SLC2A14: variants seen among roughly 807,000 people sequenced by gnomAD.
The protein encoded by SLC2A14 is solute carrier family 2, facilitated glucose transporter member 14.
A neutral mutation model predicts 43.0 loss-of-function variants in SLC2A14; 13 were observed. The observed-to-expected ratio is 0.30, with a 90% confidence interval of 0.20 to 0.48. The LOEUF is 0.48. SLC2A14 is among the 20% of genes least tolerant of loss of function. The pLI is 0.99. For synonymous variants in SLC2A14, 190 were observed against 233.8 expected (o/e 0.81, Z 1.71); for missense variants, 428 against 620.4 (o/e 0.69, Z 3.29).
chr12:7,847,189 T>G (rs937921679), intron 2 of SLC2A14, among the ~76,000 whole-genome samples: 1 of 151,686 alleles, frequency 6.6e-6, no homozygotes, highest in African/African-American at 2.4e-5. Flanking sequence ...GAGGCAGAGG[T>G]TGCAGTGACC....
chr12:7,866,303 C>A (rs189495958), intron 2 of SLC2A14, among the ~76,000 whole-genome samples: 1 of 151,266 alleles, frequency 6.6e-6, no homozygotes, highest in Admixed American at 6.6e-5. Context: ...TCTAGATAGA[C>A]CACTAAACAT....
chr12:7,834,758 TC>T (rs1865307288), intron 2 of SLC2A14, among the ~76,000 whole-genome samples: 1 of 152,034 alleles, frequency 6.6e-6, no homozygotes, highest in South Asian at 2.1e-4. Flanking sequence ...AGACAAGTGT[TC>T]CTTGGGCAAA....
chr12:7,877,756 C>CTATT (rs768666164), upstream of SLC2A14, among the ~76,000 whole-genome samples: 15 of 151,724 alleles, frequency 9.9e-5, no homozygotes, highest in Admixed American at 3.3e-4. Flanking sequence ...GTTTTAAATT[C>CTATT]TATTTATTTA....
intron 7 of SLC2A14, among the ~76,000 whole-genome samples, chr12:7,826,426 G>A (rs2120730549): frequency 1.3e-5 from 2 of 152,122 alleles, no homozygotes; most frequent in Non-Finnish European, 2.9e-5. Context: ...CAAATATCTG[G>A]TGTGTTAGGT....
intron 1 of SLC2A14, chr12:7,871,855 A>T: frequency 2.0e-6 from 2 of 976,684 alleles, no homozygotes; most frequent in Non-Finnish European, 2.4e-6. Flanking sequence ...CCCTGTTGAG[A>T]CACCAGCGCA....
intron 6 of SLC2A14, among the ~76,000 whole-genome samples, chr12:7,828,379 A>G (rs1423303622): frequency 7.9e-6 from 1 of 126,702 alleles, no homozygotes; most frequent in Non-Finnish European, 1.7e-5. Flanking sequence ...AAAAAAAAAA[A>G]GTACAAAAGT....
chr12:7,857,584 A>G (rs930381075), intron 2 of SLC2A14, among the ~76,000 whole-genome samples: 1 of 152,146 alleles, frequency 6.6e-6, no homozygotes, highest in Non-Finnish European at 1.5e-5. Flanking sequence ...GTGAAACTCC[A>G]TCTCAAAACA....
In SLC2A14 at chr12:7,817,751, T is replaced by TGTATAG. The variant is rs1863585667; in HGVS notation, c.1275+79_1275+80insCTATAC. 18 of 1,149,932 alleles carry TGTATAG rather than the reference T, an allele frequency of 1.6e-5. 1 individual carries two copies. In the South Asian group the frequency reaches 2.6e-4, roughly 17 times the overall value. 71.2% of individuals were successfully genotyped at this position (1,149,932 alleles called of 1,614,324 possible). A position where few individuals can be genotyped will look rare whatever the true frequency, so the allele number is the denominator to read the frequency against. ...ACTCAGTCTCAAAAATATATATATATATAGATAGATAGATAGATAGATAGA... is the reference window on the plus strand; with the variant it reads ...ACTCAGTCTCAAAAATATATATATATGTATAGATAGATAGATAGATAGATAGATAGA... On this transcript the variant is annotated intron_variant, in intron 10 of 10. Coordinates refer to ENST00000431042, the MANE Select transcript of SLC2A14 (RefSeq NM_001286234.2).
rs1445749957 is a variant in SLC2A14 at position 7,812,599 on chromosome 12, T to G, written c.*1717A>C. On this transcript the variant is annotated 3_prime_UTR_variant, in exon 11 of 11. Transcript: ENST00000431042. ...CCATATGGAAATATTCACAATCTTCTCAGTGAGAAATAGGAAAACAACTTC... is the reference window on the plus strand; with the variant it reads ...CCATATGGAAATATTCACAATCTTCGCAGTGAGAAATAGGAAAACAACTTC... 1 of 152,072 alleles carries G rather than the reference T, an allele frequency of 6.6e-6. No individual in the cohort carries two copies. The highest frequency in any genetic ancestry group is 1.5e-5 in the Non-Finnish European group (1 of 68,014). 9.4% of individuals were successfully genotyped at this position (152,072 alleles called of 1,614,324 possible). A position where few individuals can be genotyped will look rare whatever the true frequency, so the allele number is the denominator to read the frequency against.
rs1318264481 is a variant in SLC2A14, at chr12:7,822,125, A to G, written c.865-800T>C. Among the ~76,000 whole-genome samples, 7 of 150,386 alleles carry G rather than the reference A, an allele frequency of 4.7e-5. No homozygotes were observed. The Middle Eastern group carries it at 0.01, about 224-fold the overall frequency. ...AGGCGTGAGCCACCACGCCTGGCCA[A>G]TTTTTGTATTTTTTTAGTAGAGACA... On this transcript the variant is annotated intron_variant, in intron 7 of 10. Transcript: ENST00000431042.
intron 9 of SLC2A14, 52 bp downstream of exon 9, chr12:7,819,430 T>G: frequency 6.2e-7 from 1 of 1,605,380 alleles, no homozygotes. Context: ...AGAAGTCAAC[T>G]GTAACCTCTC....
chr12:7,850,027 G>T (rs1319215985), intron 2 of SLC2A14, among the ~76,000 whole-genome samples: 2 of 136,424 alleles, frequency 1.5e-5, no homozygotes, highest in South Asian at 2.5e-4. Context: ...AGACAAGAAA[G>T]TGCTAAAAAA....
chr12:7,887,548 GTAGATAAATCAGA>G (rs1423344400), intron 1 of SLC2A14, among the ~76,000 whole-genome samples: 2 of 150,542 alleles, frequency 1.3e-5, no homozygotes, highest in Non-Finnish European at 3.0e-5. Context: ...GTGATAGTAG[GTAGATAAATCAGA>G]TAGATAGATA....
Position 7,832,784 on chromosome 12 carries a change from C to T in SLC2A14, c.49G>A (p.Val17Ile), listed in dbSNP as rs1408292738. ...VTPALIFAIT[V>I]ATIGSFQFGY... ...AACTGGAAAGAGCCGATTGTAGCAACTGTGATGGCAAAGATCAGAGCTGGG... is the reference window on the plus strand; with the variant it reads ...AACTGGAAAGAGCCGATTGTAGCAATTGTGATGGCAAAGATCAGAGCTGGG... Residue 17 changes from valine (V) to isoleucine (I), a missense_variant, in exon 3 of 11, where the codon GTT (valine) becomes ATT (isoleucine). Val to Ile is a conservative substitution (Grantham distance 29, BLOSUM62 3). Around this residue, in one of 4 missense-constraint regions of SLC2A14, gnomAD observed 122 missense variants for 128.8 expected, o/e 0.95. Transcript: ENST00000431042. 1 of 1,614,150 alleles carries T rather than the reference C, an allele frequency of 6.2e-7. No individual in the cohort carries two copies.
intron 8 of SLC2A14, among the ~76,000 whole-genome samples, chr12:7,820,322 C>T (rs1863808756): frequency 6.6e-6 from 1 of 151,998 alleles, no homozygotes; most frequent in Admixed American, 6.6e-5. Flanking sequence ...CTGTGAGCCA[C>T]TGTAGCAAAT....
At chr12:7,870,705 C>A in intron 1 of SLC2A14, 1 of 325,682 alleles carries the variant, frequency 3.1e-6, no homozygotes, top group Non-Finnish European at 5.0e-6. Flanking sequence ...CTAGGTCATT[C>A]ACACTTGGAA....
chr12:7,878,737 C>A (rs868782530), intron 1 of SLC2A14, among the ~76,000 whole-genome samples: 15 of 151,568 alleles, frequency 9.9e-5, no homozygotes, highest in African/African-American at 3.6e-4. Flanking sequence ...CCAGCACTTT[C>A]GGAGGCCAAG....
intron 2 of SLC2A14, among the ~76,000 whole-genome samples, chr12:7,842,068 C>T (rs772733197): frequency 6.6e-6 from 1 of 151,704 alleles, no homozygotes; most frequent in Non-Finnish European, 1.5e-5. Flanking sequence ...CAACCCCTGG[C>T]AATCACTGAT....
chr12:7,887,908 G>C (rs1163381674), intron 1 of SLC2A14, among the ~76,000 whole-genome samples: 1 of 151,998 alleles, frequency 6.6e-6, no homozygotes, highest in Non-Finnish European at 1.5e-5. Context: ...TCTTCCTTTG[G>C]CTTTCTCTCA....
Sources: allele counts gnomAD v4.1 joint callset (sites outside exome capture counted in the v4.1 genomes callset), GRCh38; gene constraint gnomAD v4.1.1; regional missense constraint gnomAD v4.1.1; transcripts MANE v1.5; gene names NCBI Gene and HGNC (gene_info 2026-07-23, HGNC 2026-07-21).